Variants in GRM5 observed in about 807,000 individuals in gnomAD.
The protein encoded by GRM5 is glutamate metabotropic receptor 5.
A neutral mutation model predicts 83.1 loss-of-function variants in GRM5; 19 were observed. The ratio of observed to expected loss-of-function variants is 0.23; its 90% CI spans 0.16 to 0.34. The LOEUF is 0.34. Among genes scored for constraint, GRM5 ranks in the 10% least tolerant of loss-of-function variants. The probability of loss-of-function intolerance (pLI) is 1.00; values close to 1 mark genes in which losing one functional copy is unlikely to be tolerated. For synonymous variants in GRM5, 675 were observed against 633.6 expected (o/e 1.07, Z -0.98); for missense variants, 1,160 against 1,588.3 (o/e 0.73, Z 4.58).
chr11:89,023,526 G>C (rs1039835477), intron 2 of GRM5, among the ~76,000 whole-genome samples: 1 of 151,938 alleles, frequency 6.6e-6, no homozygotes, highest in Non-Finnish European at 1.5e-5. Context: ...CATTTCCTTA[G>C]TATTTTACCT....
intron 2 of GRM5, among the ~76,000 whole-genome samples, chr11:88,884,470 A>C (rs1945009683): frequency 6.6e-6 from 1 of 152,130 alleles, no homozygotes; most frequent in Non-Finnish European, 1.5e-5. Flanking sequence ...GTCTCAGATG[A>C]GACTTTGGAC....
intron 3 of GRM5, among the ~76,000 whole-genome samples, chr11:88,833,830 A>G (rs1001488372): frequency 2.0e-5 from 3 of 152,186 alleles, no homozygotes; most frequent in Non-Finnish European, 4.4e-5. Context: ...CATGGATGAA[A>G]CTGGTGTTCA....
chr11:88,595,771 A>G (rs1352699741), intron 6 of GRM5, among the ~76,000 whole-genome samples: 1 of 151,924 alleles, frequency 6.6e-6, no homozygotes, highest in Non-Finnish European at 1.5e-5. Flanking sequence ...ACTGACTACC[A>G]TCTTATGTGA....
chr11:88,757,891 G>A (rs367672586), intron 3 of GRM5, among the ~76,000 whole-genome samples: 3 of 152,072 alleles, frequency 2.0e-5, no homozygotes, highest in South Asian at 2.1e-4. Context: ...ACCGCCCACC[G>A]ATTGTAGTTG....
intron 8 of GRM5, among the ~76,000 whole-genome samples, chr11:88,551,640 C>T (rs1286065292): frequency 6.6e-6 from 1 of 152,156 alleles, no homozygotes; most frequent in Admixed American, 6.5e-5. Flanking sequence ...TTCTTAACCT[C>T]AACAGTTGAA....
chr11:88,691,124 G>A (rs566733866), intron 3 of GRM5, among the ~76,000 whole-genome samples: 1 of 152,192 alleles, frequency 6.6e-6, no homozygotes, highest in Non-Finnish European at 1.5e-5. Flanking sequence ...GATGGGCTGG[G>A]AAGAGGGCTG....
At chr11:88,951,609 C>T (rs774494780) in intron 2 of GRM5, among the ~76,000 whole-genome samples, 5 of 152,150 alleles carry the variant, frequency 3.3e-5, no homozygotes, top group Non-Finnish European at 5.9e-5. Flanking sequence ...TGTGAGTTTT[C>T]GTTCAGAGAA....
At chr11:89,065,286 T>TCTCA in intron 1 of GRM5, among the ~76,000 whole-genome samples, 1 of 147,488 alleles carries the variant, frequency 6.8e-6, no homozygotes, top group Admixed American at 6.7e-5. Flanking sequence ...TGTATTGGCA[T>TCTCA]CACACACACA....
chr11:89,001,408 T>C (rs1030974746), intron 2 of GRM5, among the ~76,000 whole-genome samples: 2 of 152,076 alleles, frequency 1.3e-5, no homozygotes, highest in African/African-American at 4.8e-5. Flanking sequence ...CAACAACCTA[T>C]ATAAATCACC....
intron 4 of GRM5, among the ~76,000 whole-genome samples, chr11:88,629,944 A>G (rs1350862868): frequency 6.6e-6 from 1 of 152,106 alleles, no homozygotes; most frequent in Non-Finnish European, 1.5e-5. Context: ...CTTTGACATT[A>G]TCTTCTACTT....
intron 8 of GRM5, among the ~76,000 whole-genome samples, chr11:88,565,677 C>A (rs1942859989): frequency 6.6e-6 from 1 of 152,094 alleles, no homozygotes; most frequent in Non-Finnish European, 1.5e-5. Flanking sequence ...GGAAAATAGG[C>A]CAGCAGGTTA....
intron 8 of GRM5, among the ~76,000 whole-genome samples, chr11:88,549,738 A>T (rs1942462419): frequency 6.6e-6 from 1 of 152,104 alleles, no homozygotes; most frequent in Admixed American, 6.6e-5. Flanking sequence ...AGGCCAAGTC[A>T]TCAAGGGCCA....
chr11:88,517,367 G>A (rs1565320563), intron 9 of GRM5, among the ~76,000 whole-genome samples: 1 of 152,100 alleles, frequency 6.6e-6, no homozygotes, highest in Non-Finnish European at 1.5e-5. Context: ...TTGGAGAATG[G>A]AAGACAGTGT....
At chr11:88,921,183 G>T (rs1395947977) in intron 2 of GRM5, among the ~76,000 whole-genome samples, 1 of 151,880 alleles carries the variant, frequency 6.6e-6, no homozygotes, top group Non-Finnish European at 1.5e-5. Flanking sequence ...TTATCCCAGG[G>T]ATACAAGGAT....
At chr11:88,942,977 T>C (rs1305687717) in intron 2 of GRM5, among the ~76,000 whole-genome samples, 2 of 152,056 alleles carry the variant, frequency 1.3e-5, no homozygotes, top group African/African-American at 2.4e-5. Context: ...GTTCCCCCAA[T>C]ATGGCACCAT....
At chr11:88,816,536 C>G (rs146970581) in intron 3 of GRM5, among the ~76,000 whole-genome samples, 1 of 121,012 alleles carries the variant, frequency 8.3e-6, no homozygotes, top group African/African-American at 3.0e-5. Flanking sequence ...AAGACTCCAT[C>G]TCAAAAAAAA....
At chr11:88,557,882 C>T (rs1174068735) in intron 8 of GRM5, among the ~76,000 whole-genome samples, 3 of 151,946 alleles carry the variant, frequency 2.0e-5, no homozygotes, top group Non-Finnish European at 2.9e-5. Flanking sequence ...AGGTATTTCT[C>T]CTAATGCTAT....
chr11:89,006,056 G>A (rs562136448), intron 2 of GRM5, among the ~76,000 whole-genome samples: 1 of 152,250 alleles, frequency 6.6e-6, no homozygotes, highest in South Asian at 2.1e-4. Flanking sequence ...CAATGGAAGC[G>A]TATTTCAAGT....
At chr11:88,609,328 G>A (rs1938253812) in intron 4 of GRM5, among the ~76,000 whole-genome samples, 1 of 152,134 alleles carries the variant, frequency 6.6e-6, no homozygotes, top group Admixed American at 6.5e-5. Flanking sequence ...ACATGATTTT[G>A]TTTGGCTGTT....
Sources: gnomAD v4.1 joint callset for allele counts (sites outside exome capture counted in the v4.1 genomes callset) on GRCh38, gnomAD v4.1.1 for gene constraint, MANE v1.5 for transcripts, NCBI Gene and HGNC (gene_info 2026-07-23, HGNC 2026-07-21) for gene names.